ARHGAP44: variants seen among roughly 807,000 people sequenced by gnomAD.
The protein encoded by ARHGAP44 is Rho GTPase activating protein 44.
Under a neutral mutation model 106.8 loss-of-function variants are expected in ARHGAP44, and 43 were observed. That is an observed-to-expected ratio of 0.40 (90% CI 0.32 to 0.52). The LOEUF (loss-of-function observed/expected upper bound fraction) is 0.52, where lower values mean the gene tolerates loss of function less well. Ranked by LOEUF, ARHGAP44 falls within the 20% of genes least tolerant of loss-of-function variation. The probability of loss-of-function intolerance (pLI) is 0.48; values close to 1 mark genes in which losing one functional copy is unlikely to be tolerated. For missense variants in ARHGAP44, 866 were observed against 1,050.5 expected, an observed-to-expected ratio of 0.82 and a Z score of 2.43; for synonymous variants, 439 against 410.3, an observed-to-expected ratio of 1.07 and a Z score of -0.85.
At chr17:12,830,200 T>C (rs973106096) in intron 1 of ARHGAP44, among the ~76,000 whole-genome samples, 1 of 152,206 alleles carries the variant, frequency 6.6e-6, no homozygotes, top group Non-Finnish European at 1.5e-5. Flanking sequence ...GTCTTTTTCC[T>C]ATGATTGCTA....
At chr17:12,800,930 C>T (rs1053000626) in intron 1 of ARHGAP44, among the ~76,000 whole-genome samples, 42 of 152,290 alleles carry the variant, frequency 2.8e-4, no homozygotes, top group Middle Eastern at 3.4e-3. Flanking sequence ...CTGCTCCTGA[C>T]TTGAATAAAA....
chr17:12,837,563 G>A (rs1284782310), intron 1 of ARHGAP44, among the ~76,000 whole-genome samples: 1 of 151,842 alleles, frequency 6.6e-6, no homozygotes, highest in East Asian at 1.9e-4. Context: ...ATTAGCCTGA[G>A]AGGAGTAAGA....
At chr17:12,899,301 C>G (rs1415524902) in intron 3 of ARHGAP44, among the ~76,000 whole-genome samples, 1 of 152,066 alleles carries the variant, frequency 6.6e-6, no homozygotes, top group African/African-American at 2.4e-5. Flanking sequence ...TTGATTTTGT[C>G]AATGATTTCT....
In ARHGAP44 at chr17:12,956,814, C is replaced by G. The variant is rs1490823744; in HGVS notation, c.1342+68C>G. On this transcript the variant is annotated intron_variant, in intron 15 of 20. Transcript: ENST00000379672. ...AGGAGTATCACTGCGAGTTCTGAGCCTTTGAAGCCAAGTACCACTGCCCAC... is the reference window on the plus strand; with the variant it reads ...AGGAGTATCACTGCGAGTTCTGAGCGTTTGAAGCCAAGTACCACTGCCCAC... 3 of 1,429,198 alleles carry G rather than the reference C, an allele frequency of 2.1e-6. No individual in the cohort carries two copies. In the African/African-American group the frequency reaches 4.2e-5, roughly 20 times the overall value. 88.5% of individuals were successfully genotyped at this position (1,429,198 alleles called of 1,614,324 possible).
rs182006877 is a variant in ARHGAP44 at position 12,935,295 on chromosome 17, C to T, written c.583-5761C>T. On this transcript the variant is annotated intron_variant, in intron 7 of 20. Transcript: ENST00000379672. ...AAATACGATTAAAGGGCATATGGGCCGGGTGCGGTGGCTCACGCCTGTAAT... is the reference window on the plus strand; with the variant it reads ...AAATACGATTAAAGGGCATATGGGCTGGGTGCGGTGGCTCACGCCTGTAAT... Among the ~76,000 whole-genome samples, 192 of 152,130 alleles carry T rather than the reference C, an allele frequency of 1.3e-3. 1 individual carries two copies. The highest frequency in any genetic ancestry group is 1.2e-3 in the Non-Finnish European group (81 of 67,998).
intron 1 of ARHGAP44, among the ~76,000 whole-genome samples, chr17:12,827,671 A>G (rs1482731854): frequency 6.6e-6 from 1 of 152,118 alleles, no homozygotes; most frequent in African/African-American, 2.4e-5. Flanking sequence ...ATTTTTCTAT[A>G]TTTCATGGTT....
intron 1 of ARHGAP44, among the ~76,000 whole-genome samples, chr17:12,797,990 T>C (rs1567618566): frequency 6.6e-6 from 1 of 152,178 alleles, no homozygotes; most frequent in East Asian, 1.9e-4. Context: ...TTATATATTT[T>C]TTCTTACTCT....
intron 1 of ARHGAP44, among the ~76,000 whole-genome samples, chr17:12,866,166 A>G (rs1433597498): frequency 7.2e-5 from 11 of 152,158 alleles, no homozygotes; most frequent in African/African-American, 2.4e-4. Context: ...ATTATCTCTT[A>G]CTAATATATT....
At position 12,936,970 on chromosome 17, in the gene ARHGAP44, A is replaced by G. The variant is rs114424680; in HGVS notation, c.583-4086A>G. Among the ~76,000 whole-genome samples the G allele has an allele frequency of 4.5e-3, 680 of 152,340 alleles. 7 individuals carry two copies. Among genetic ancestry groups the G allele is most frequent in the African/African-American group, 0.015 (621 of 41,582 alleles). On this transcript the variant is annotated intron_variant, in intron 7 of 20. Transcript: ENST00000379672. ...TGCTGAAAGGCGGACATGATGTATT[A>G]TAAAAGAAACAGCGGTAAATAGTTC...
intron 4 of ARHGAP44, among the ~76,000 whole-genome samples, chr17:12,910,551 G>T (rs1030761489): frequency 2.7e-5 from 4 of 147,106 alleles, no homozygotes; most frequent in Admixed American, 1.4e-4. Flanking sequence ...CGGGTGCAAG[G>T]GATTCTGCCT....
chr17:12,819,655 T>C (rs2034705778), intron 1 of ARHGAP44, among the ~76,000 whole-genome samples: 1 of 151,964 alleles, frequency 6.6e-6, no homozygotes, highest in South Asian at 2.1e-4. Flanking sequence ...TAATTTGTAC[T>C]TCCTTAACAG....
chr17:12,806,435 A>G (rs1337616506), intron 1 of ARHGAP44, among the ~76,000 whole-genome samples: 1 of 152,202 alleles, frequency 6.6e-6, no homozygotes, highest in East Asian at 1.9e-4. Flanking sequence ...CATCTAATGT[A>G]TTATACAAAC....
At chr17:12,914,626 G>T (rs4617903) in intron 4 of ARHGAP44, among the ~76,000 whole-genome samples, 5 of 151,276 alleles carry the variant, frequency 3.3e-5, no homozygotes, top group Non-Finnish European at 5.9e-5. Context: ...GAAACCCCAT[G>T]TCTACTAAAA....
intron 3 of ARHGAP44, among the ~76,000 whole-genome samples, chr17:12,900,198 C>T (rs1026857109): frequency 2.0e-5 from 3 of 151,866 alleles, no homozygotes; most frequent in Admixed American, 6.6e-5. Flanking sequence ...GGCACCATTT[C>T]GACTCACTGC....
chr17:12,909,186 A>T (rs547585694), intron 4 of ARHGAP44, among the ~76,000 whole-genome samples: 1 of 152,354 alleles, frequency 6.6e-6, no homozygotes, highest in South Asian at 2.1e-4. Flanking sequence ...GATTAACATG[A>T]AACTGATGAA....
At chr17:12,872,269 A>G (rs530747022) in intron 1 of ARHGAP44, among the ~76,000 whole-genome samples, 11 of 152,110 alleles carry the variant, frequency 7.2e-5, no homozygotes, top group African/African-American at 2.6e-4. Context: ...TCCATCTGTT[A>G]TTTTGACTGC....
At chr17:12,959,030 T>A in intron 16 of ARHGAP44, 133 bp downstream of exon 16, 1 of 1,108,138 alleles carries the variant, frequency 9.0e-7, no homozygotes, top group Non-Finnish European at 1.3e-6. Context: ...TCGTAGCAAT[T>A]AAACTGTATC....
chr17:12,916,066 GC>G, intron 5 of ARHGAP44, 55 bp downstream of exon 5: 1 of 1,382,930 alleles, frequency 7.2e-7, no homozygotes, highest in Admixed American at 1.8e-5. Flanking sequence ...CCGAACAGGA[GC>G]CCCTCAATCA....
chr17:12,982,371 C>T (rs1021168087), intron 19 of ARHGAP44, among the ~76,000 whole-genome samples: 5 of 151,296 alleles, frequency 3.3e-5, no homozygotes. Flanking sequence ...GACAATTTCA[C>T]ATCCTATTCC....
Sources: gnomAD v4.1 joint callset for allele counts (sites outside exome capture counted in the v4.1 genomes callset) on GRCh38, gnomAD v4.1.1 for gene constraint, MANE v1.5 for transcripts, NCBI Gene and HGNC (gene_info 2026-07-23, HGNC 2026-07-21) for gene names.